XKRX: variants seen among roughly 807,000 people sequenced by gnomAD.
XKRX encodes XK-related protein 2.
XKRX carries 11 observed loss-of-function variants against 22.4 expected under a neutral mutation model. The observed-to-expected ratio is 0.49, with a 90% CI of 0.31 to 0.81. XKRX has a LOEUF of 0.81. Among genes scored for constraint, XKRX ranks in the 40% least tolerant of loss-of-function variants. XKRX has a pLI of 0.05. For missense variants in XKRX, 320 were observed against 336.5 expected, an observed-to-expected ratio of 0.95 and a Z score of 0.38; for synonymous variants, 114 against 132.2, an observed-to-expected ratio of 0.86 and a Z score of 0.94.
the XKRX span, among the ~76,000 whole-genome samples, chrX:100,894,361 A>G: frequency 1.1e-4 from 12 of 112,430 alleles, no homozygotes; most frequent in African/African-American, 3.9e-4. Flanking sequence ...ATCATGCTGT[A>G]CACCATAAAT....
At chrX:100,933,174 A>AAAAAAG (rs1214713126), upstream of XKRX, among the ~76,000 whole-genome samples, 1 of 109,739 alleles carries the variant, frequency 9.1e-6, no homozygotes, top group Non-Finnish European at 1.9e-5. Flanking sequence ...TCTCAAAAAA[A>AAAAAAG]AAAAAGAAAA....
the XKRX span, among the ~76,000 whole-genome samples, chrX:100,940,370 A>T: frequency 8.9e-6 from 1 of 111,843 alleles, no homozygotes; most frequent in Non-Finnish European, 1.9e-5. Context: ...TAAAACAGCA[A>T]ACAAATTGTG....
chrX:100,946,120 A>AGGTT, the XKRX span, among the ~76,000 whole-genome samples: 1 of 107,935 alleles, frequency 9.3e-6, no homozygotes, highest in Non-Finnish European at 1.9e-5. Flanking sequence ...GGGGAGGCGG[A>AGGTT]GGTTGCAGTG....
At chrX:100,910,602 A>AT, downstream of XKRX, 2 of 223,003 alleles carry the variant, frequency 9.0e-6, no homozygotes, top group Non-Finnish European at 1.6e-5. Context: ...AAAAAAAAAA[A>AT]GATTTCAGAG....
At chrX:100,956,842 G>T in the XKRX span, 1 of 653,356 alleles carries the variant, frequency 1.5e-6, no homozygotes, top group Non-Finnish European at 2.6e-6. Context: ...AGTGTATTTT[G>T]GTAACGAAGG....
intron 2 of XKRX, among the ~76,000 whole-genome samples, chrX:100,920,152 C>G (rs1028198913): frequency 4.4e-4 from 44 of 99,159 alleles, no homozygotes; most frequent in African/African-American, 1.4e-3. Flanking sequence ...GAAAAAATAA[C>G]TAGGGGAGGT....
chrX:100,932,220 G>A (rs977650933), upstream of XKRX, among the ~76,000 whole-genome samples: 1 of 111,396 alleles, frequency 9.0e-6, no homozygotes, highest in African/African-American at 3.3e-5. Context: ...CTGAGAATTT[G>A]CTGTTTCTGT....
chrX:100,957,292 A>C, the XKRX span: 1 of 1,018,654 alleles, frequency 9.8e-7, no homozygotes, highest in African/African-American at 1.9e-5. Flanking sequence ...GAAGATGTTC[A>C]TCTTTGTCAA....
upstream of XKRX, among the ~76,000 whole-genome samples, chrX:100,932,994 G>A (rs1238440418): frequency 3.6e-5 from 4 of 109,853 alleles, no homozygotes; most frequent in Non-Finnish European, 5.7e-5. Context: ...GTGAGACCCT[G>A]TCTCTACAAA....
downstream of XKRX, among the ~76,000 whole-genome samples, chrX:100,912,762 G>A (rs1189163089): frequency 8.9e-6 from 1 of 111,969 alleles, no homozygotes. Flanking sequence ...TTACCTCAGA[G>A]GTAGCTGGCT....
downstream of XKRX, among the ~76,000 whole-genome samples, chrX:100,912,329 A>G (rs375654698): frequency 9.0e-6 from 1 of 111,147 alleles, no homozygotes; most frequent in African/African-American, 3.3e-5. Flanking sequence ...GGGGTTGAAG[A>G]AAGGAGCTCT....
chrX:100,900,948 C>G, the XKRX span, among the ~76,000 whole-genome samples: 1 of 108,934 alleles, frequency 9.2e-6, no homozygotes, highest in Non-Finnish European at 1.9e-5. Flanking sequence ...CACCACCACG[C>G]CTGGCTAATT....
downstream of XKRX, chrX:100,910,956 G>A (rs1320725750): frequency 1.2e-5 from 7 of 560,541 alleles, no homozygotes; most frequent in Admixed American, 1.2e-4. Flanking sequence ...AAGACTCCAC[G>A]GGGATCAGTA....
the XKRX span, among the ~76,000 whole-genome samples, chrX:100,906,467 C>T: frequency 2.7e-5 from 3 of 111,826 alleles, no homozygotes; most frequent in East Asian, 5.6e-4. Context: ...AATGTCACTG[C>T]ATCTTGCCAG....
At chrX:100,915,333 T>C (rs112133938) in intron 2 of XKRX, among the ~76,000 whole-genome samples, 36 of 109,426 alleles carry the variant, frequency 3.3e-4, no homozygotes, top group African/African-American at 1.1e-3. Flanking sequence ...ATCACAAAAA[T>C]GCAAATCAAA....
chrX:100,903,276 GAAGA>G, the XKRX span, among the ~76,000 whole-genome samples: 2 of 111,852 alleles, frequency 1.8e-5, no homozygotes, highest in South Asian at 7.4e-4. Flanking sequence ...TATGGATTGG[GAAGA>G]AAGAAATAAA....
the XKRX span, among the ~76,000 whole-genome samples, chrX:100,947,788 G>A: frequency 8.9e-6 from 1 of 111,945 alleles, no homozygotes. Flanking sequence ...CAGGAAAATC[G>A]GAACCCATCA....
the XKRX span, among the ~76,000 whole-genome samples, chrX:100,899,125 T>C: frequency 8.9e-6 from 1 of 112,419 alleles, no homozygotes; most frequent in Admixed American, 9.4e-5. Flanking sequence ...ATGGCCCATA[T>C]GTATACAAGA....
intron 2 of XKRX, among the ~76,000 whole-genome samples, chrX:100,917,349 G>C (rs1316932196): frequency 9.2e-6 from 1 of 109,239 alleles, no homozygotes; most frequent in Non-Finnish European, 1.9e-5. Context: ...GCACACGGTG[G>C]CTCACACCTG....
Sources: gnomAD v4.1 joint callset for allele counts (sites outside exome capture counted in the v4.1 genomes callset) on GRCh38, gnomAD v4.1.1 for gene constraint, MANE v1.5 for transcripts, NCBI Gene and HGNC (gene_info 2026-07-23, HGNC 2026-07-21) for gene names.